SH3D19: variants seen among roughly 807,000 people sequenced by gnomAD.
SH3D19 encodes the protein SH3 domain-containing protein 19.
A neutral mutation model predicts 112.1 loss-of-function variants in SH3D19; 58 were observed. The ratio of observed to expected loss-of-function variants is 0.52; its 90% CI spans 0.42 to 0.64. The LOEUF (loss-of-function observed/expected upper bound fraction) is 0.64. Ranked by LOEUF, SH3D19 falls within the 30% of genes least tolerant of loss-of-function variation. The probability of loss-of-function intolerance (pLI) is 0.00; values close to 1 mark genes in which losing one functional copy is unlikely to be tolerated. For missense variants in SH3D19, 1,090 were observed against 1,263.4 expected, an observed-to-expected ratio of 0.86 and a Z score of 2.08; for synonymous variants, 391 against 448.5, an observed-to-expected ratio of 0.87 and a Z score of 1.62.
intron 9 of SH3D19, among the ~76,000 whole-genome samples, chr4:151,158,402 C>T (rs1318119566): frequency 2.6e-5 from 4 of 152,016 alleles, no homozygotes; most frequent in African/African-American, 4.8e-5. Context: ...CGGGTTCAAG[C>T]GATTCTCCTG....
In SH3D19 at chr4:151,281,348, T is replaced by C. The variant is rs374581431; in HGVS notation, c.112+43893A>G. Among the ~76,000 whole-genome samples the C allele has an allele frequency of 3.9e-5, 6 of 152,260 alleles. No individual in the cohort carries two copies. The East Asian group carries it at 1.2e-3, about 29-fold the overall frequency. ...TTTTATAAGAAATGTAATCACCCAA[T>C]AGGACCCAGTAGTGAACAATGTTTA... is the stretch of plus-strand genomic sequence containing the variant. On this transcript the variant is annotated intron_variant, in intron 1 of 19. Transcript: ENST00000604030.
chr4:151,227,880 C>T, intron 1 of SH3D19: 1 of 985,226 alleles, frequency 1.0e-6, no homozygotes, highest in South Asian at 4.7e-5. Flanking sequence ...CCTAGTGGTA[C>T]AACACACAAG....
intron 2 of SH3D19, among the ~76,000 whole-genome samples, chr4:151,190,845 A>C (rs1762500249): frequency 6.6e-6 from 1 of 152,176 alleles, no homozygotes; most frequent in Non-Finnish European, 1.5e-5. Flanking sequence ...CTGGGAGAAT[A>C]GGGCCACTGT....
intron 1 of SH3D19, among the ~76,000 whole-genome samples, chr4:151,315,344 C>T (rs1729885558): frequency 6.6e-6 from 1 of 152,194 alleles, no homozygotes; most frequent in Non-Finnish European, 1.5e-5. Context: ...TAGCCCAGTG[C>T]TTTCCAAATT....
At chr4:151,167,421 T>A (rs888752249) in intron 7 of SH3D19, among the ~76,000 whole-genome samples, 2 of 151,976 alleles carry the variant, frequency 1.3e-5, no homozygotes, top group African/African-American at 4.8e-5. Context: ...TCTCTAAAAT[T>A]AATTATTGTC....
At chr4:151,296,036 A>AG (rs1210254444) in intron 1 of SH3D19, among the ~76,000 whole-genome samples, 1 of 148,590 alleles carries the variant, frequency 6.7e-6, no homozygotes, top group Non-Finnish European at 1.5e-5. Flanking sequence ...CTCCGTCTCA[A>AG]AAAAAAAAAA....
intron 11 of SH3D19, among the ~76,000 whole-genome samples, chr4:151,146,644 T>G (rs1246845778): frequency 6.6e-6 from 1 of 152,208 alleles, no homozygotes; most frequent in African/African-American, 2.4e-5. Context: ...GCAATTCTCC[T>G]GCCTCAGCCT....
intron 1 of SH3D19, among the ~76,000 whole-genome samples, chr4:151,309,109 T>C (rs1729193676): frequency 6.6e-6 from 1 of 152,228 alleles, no homozygotes; most frequent in Admixed American, 6.5e-5. Context: ...CCTCAAGTGA[T>C]TCACCCGCCT....
chr4:151,238,243 AGAAAG>A (rs1433798939), intron 1 of SH3D19, among the ~76,000 whole-genome samples: 12 of 151,912 alleles, frequency 7.9e-5, no homozygotes, highest in African/African-American at 2.9e-4. Context: ...AGTGGCATAA[AGAAAG>A]GAACTAGATA....
chr4:151,294,816 G>A (rs954656511), intron 1 of SH3D19, among the ~76,000 whole-genome samples: 4 of 152,298 alleles, frequency 2.6e-5, no homozygotes, highest in Admixed American at 2.6e-4. Flanking sequence ...TCATGTACAA[G>A]AAAGCCTGAT....
intron 2 of SH3D19, among the ~76,000 whole-genome samples, chr4:151,221,976 T>C (rs1273351399): frequency 6.6e-6 from 1 of 152,340 alleles, no homozygotes; most frequent in East Asian, 1.9e-4. Context: ...AAGAGATATT[T>C]ATTGGCTATT....
chr4:151,267,056 C>T (rs1772838300), intron 1 of SH3D19, among the ~76,000 whole-genome samples: 3 of 151,544 alleles, frequency 2.0e-5, no homozygotes, highest in Admixed American at 1.3e-4. Context: ...TGGTGGCTCA[C>T]GCCTGTAATC....
chr4:151,162,683 A>T lies in SH3D19; in HGVS notation c.1642+2906T>A, dbSNP rs1056651445. On this transcript the variant is annotated intron_variant, in intron 8 of 19. Transcript: ENST00000604030. ...GATCTCAGCTCAACACAACCTCCAA[A>T]TCCTGGGTTTAGGCGATTCTCCTGC... Among the ~76,000 whole-genome samples, 16 of 150,576 alleles carry T rather than the reference A, an allele frequency of 1.1e-4. No homozygotes were observed. The East Asian group carries it at 3.1e-3, about 30-fold the overall frequency.
intron 1 of SH3D19, among the ~76,000 whole-genome samples, chr4:151,294,256 T>A (rs1775551584): frequency 6.6e-6 from 1 of 152,218 alleles, no homozygotes; most frequent in African/African-American, 2.4e-5. Flanking sequence ...GGATATTGTT[T>A]ATGGAGGTAG....
At chr4:151,290,073 G>C (rs1313886868) in intron 1 of SH3D19, among the ~76,000 whole-genome samples, 1 of 152,188 alleles carries the variant, frequency 6.6e-6, no homozygotes, top group African/African-American at 2.4e-5. Flanking sequence ...AGCTTCCCGA[G>C]TGGTTGGGAT....
intron 4 of SH3D19, 90 bp from the exon 5 acceptor site, chr4:151,177,045 T>A: frequency 3.4e-6 from 4 of 1,165,240 alleles, no homozygotes; most frequent in Non-Finnish European, 4.3e-6. Context: ...AAAACCACCA[T>A]CAACCAAAAA....
At chr4:151,251,729 T>C (rs1264006813) in intron 1 of SH3D19, among the ~76,000 whole-genome samples, 1 of 152,118 alleles carries the variant, frequency 6.6e-6, no homozygotes, top group Non-Finnish European at 1.5e-5. Context: ...CAGCCAACTC[T>C]CTGCTCTCTC....
intron 1 of SH3D19, among the ~76,000 whole-genome samples, chr4:151,316,830 C>T (rs951155155): frequency 2.0e-5 from 3 of 152,214 alleles, no homozygotes; most frequent in African/African-American, 7.2e-5. Flanking sequence ...GGGGGCCAGG[C>T]CTCTGCCAGA....
At chr4:151,279,496 G>T (rs1042865329) in intron 1 of SH3D19, among the ~76,000 whole-genome samples, 1 of 152,152 alleles carries the variant, frequency 6.6e-6, no homozygotes, top group Non-Finnish European at 1.5e-5. Flanking sequence ...AAATATAAAG[G>T]AAGGTTCTCT....
Sources: allele counts gnomAD v4.1 joint callset (sites outside exome capture counted in the v4.1 genomes callset), GRCh38; gene constraint gnomAD v4.1.1; transcripts MANE v1.5; gene names NCBI Gene and HGNC (gene_info 2026-07-23, HGNC 2026-07-21).